Variants in PSEN1 observed in about 807,000 individuals in gnomAD.
PSEN1 encodes presenilin-1.
PSEN1 carries 15 observed loss-of-function variants against 53.5 expected under a neutral mutation model. The ratio of observed to expected loss-of-function variants is 0.28; its 90% CI spans 0.19 to 0.43. PSEN1 has a LOEUF of 0.43. PSEN1 is among the 20% of genes least tolerant of loss of function. The probability of loss-of-function intolerance (pLI) is 1.00; values close to 1 mark genes in which losing one functional copy is unlikely to be tolerated. For missense variants in PSEN1, 387 were observed against 571.2 expected, an observed-to-expected ratio of 0.68 and a Z score of 3.29; for synonymous variants, 208 against 209.8, an observed-to-expected ratio of 0.99 and a Z score of 0.08.
chr14:73,155,801 C>T (rs1418595688), intron 3 of PSEN1, among the ~76,000 whole-genome samples: 1 of 152,058 alleles, frequency 6.6e-6, no homozygotes, highest in African/African-American at 2.4e-5. Context: ...TTTTTTAGGG[C>T]AGTGAATCTA....
intron 7 of PSEN1, among the ~76,000 whole-genome samples, chr14:73,196,688 T>A (rs1431535919): frequency 2.6e-5 from 4 of 151,358 alleles, no homozygotes; most frequent in Non-Finnish European, 5.9e-5. Context: ...TTGGCCAGGC[T>A]GGTCTCAAAC....
chr14:73,169,429 CCT>C (rs1421177862), intron 3 of PSEN1: 1 of 152,220 alleles, frequency 6.6e-6, no homozygotes, highest in African/African-American at 2.4e-5. Context: ...CCAGTGACTT[CCT>C]CTGACTCTTC....
intron 5 of PSEN1, among the ~76,000 whole-genome samples, chr14:73,176,658 T>C (rs1164423621): frequency 6.6e-6 from 1 of 152,220 alleles, no homozygotes; most frequent in Non-Finnish European, 1.5e-5. Context: ...CATGTAAAGG[T>C]TTTCCCAATC....
rs187172458 is a variant in PSEN1 at position 73,162,450 on chromosome 14, C to G, written c.88-8347C>G. Among the ~76,000 whole-genome samples, 131 of 146,618 alleles carry G rather than the reference C, an allele frequency of 8.9e-4. No individual in the cohort carries two copies. In the East Asian group the frequency reaches 0.014, roughly 16 times the overall value. On this transcript the variant is annotated intron_variant, in intron 3 of 11. Coordinates refer to ENST00000324501, the MANE Select transcript of PSEN1 (RefSeq NM_000021.4). ...TCTCTCTCTCGCTCGCTCGCGCGCTCTCTCTCTCTCTCTCCATGAGAAGGA... is the reference window on the plus strand; with the variant it reads ...TCTCTCTCTCGCTCGCTCGCGCGCTGTCTCTCTCTCTCTCCATGAGAAGGA...
At position 73,222,519 on chromosome 14, in the gene PSEN1, T is replaced by C. The variant is rs1467613206; in HGVS notation, c.*3230T>C. On this transcript the variant is annotated 3_prime_UTR_variant, in exon 12 of 12. Transcript: ENST00000324501. ...GCCTTTGATCCCAACCCCCAAGGCTTTGTATATTTGATCATTTGTGATCTA... is the reference window on the plus strand; with the variant it reads ...GCCTTTGATCCCAACCCCCAAGGCTCTGTATATTTGATCATTTGTGATCTA... 6.6e-6 allele frequency: 1 copy of C among 152,194 alleles called. No individual in the cohort carries two copies. The highest frequency in any genetic ancestry group is 1.9e-4 in the East Asian group (1 of 5,196). The allele number at this position is 152,194 out of a possible 1,614,324, so 9.4% of individuals were successfully genotyped here.
rs896920783 is a variant in PSEN1 at position 73,221,838 on chromosome 14, C to G, written c.*2549C>G. 1 of 152,196 alleles carries G rather than the reference C, an allele frequency of 6.6e-6. No individual in the cohort carries two copies. The highest frequency in any genetic ancestry group is 1.5e-5 in the Non-Finnish European group (1 of 68,042). 9.4% of individuals were successfully genotyped at this position (152,196 alleles called of 1,614,324 possible). A position where few individuals can be genotyped will look rare whatever the true frequency, so the allele number is the denominator to read the frequency against. ...AGATTGTCACTGGAAAGAACAGTAG[C>G]AATTTCCATAAGGATGTGCCTTCAC... On this transcript the variant is annotated 3_prime_UTR_variant, in exon 12 of 12. Coordinates refer to ENST00000324501, the MANE Select transcript of PSEN1 (RefSeq NM_000021.4).
intron 3 of PSEN1, among the ~76,000 whole-genome samples, chr14:73,163,874 CAAG>C (rs1293723067): frequency 6.6e-6 from 1 of 151,640 alleles, no homozygotes. Flanking sequence ...ATGAGCATGA[CAAG>C]AAGCCATTGT....
intron 10 of PSEN1, 22 bp from the exon 11 acceptor site, chr14:73,217,104 A>G: frequency 1.2e-6 from 2 of 1,613,554 alleles, no homozygotes; most frequent in African/African-American, 2.7e-5. Context: ...ACTTTTTAAT[A>G]TTTGTAACCT....
At chr14:73,196,613 A>G (rs1201830107) in intron 7 of PSEN1, among the ~76,000 whole-genome samples, 1 of 150,084 alleles carries the variant, frequency 6.7e-6, no homozygotes, top group Non-Finnish European at 1.5e-5. Context: ...AGCTGGGACT[A>G]TAGGCACCTG....
At chr14:73,212,088 CTTTTTTTTTTTTTTTTTTTTTTTTTT>C (rs398043836) in intron 10 of PSEN1, 146 bp downstream of exon 10, 716 of 70,558 alleles carry the variant, frequency 0.01, 10 homozygotes, top group African/African-American at 0.049. Flanking sequence ...AGTAATAGTG[CTTTTTTTTTTTTTTTTTTTTTTTTTT>C]TTTTTTTTTT....
At chr14:73,151,206 G>A (rs1035126982) in intron 3 of PSEN1, among the ~76,000 whole-genome samples, 1 of 152,208 alleles carries the variant, frequency 6.6e-6, no homozygotes, top group Non-Finnish European at 1.5e-5. Context: ...GATGCATGTA[G>A]CTCTAGCATT....
chr14:73,201,139 A>G (rs528019788), intron 8 of PSEN1, among the ~76,000 whole-genome samples: 2 of 151,878 alleles, frequency 1.3e-5, no homozygotes, highest in African/African-American at 4.8e-5. Context: ...CCCAGGCTGG[A>G]GTTCAGTGGG....
intron 9 of PSEN1, chr14:73,208,838 C>A: frequency 2.2e-6 from 1 of 455,078 alleles, no homozygotes; most frequent in Non-Finnish European, 4.4e-6. Flanking sequence ...CTGTCTGCCT[C>A]CTGCTGCCAT....
chr14:73,154,050 G>C (rs577264909), intron 3 of PSEN1, among the ~76,000 whole-genome samples: 1 of 152,118 alleles, frequency 6.6e-6, no homozygotes, highest in African/African-American at 2.4e-5. Flanking sequence ...TTGAAAAAAT[G>C]TATTTTAAGT....
chr14:73,201,416 G>A (rs1899184970), intron 8 of PSEN1, among the ~76,000 whole-genome samples: 1 of 152,092 alleles, frequency 6.6e-6, no homozygotes, highest in African/African-American at 2.4e-5. Context: ...AGAAGTCAAA[G>A]GTAATGAGGA....
At chr14:73,170,255 C>G (rs1897846258) in intron 3 of PSEN1, among the ~76,000 whole-genome samples, 1 of 152,160 alleles carries the variant, frequency 6.6e-6, no homozygotes. Context: ...GTATCTTGTG[C>G]TGACTTCCTA....
At chr14:73,184,035 C>T (rs1158976063) in intron 5 of PSEN1, among the ~76,000 whole-genome samples, 4 of 131,520 alleles carry the variant, frequency 3.0e-5, no homozygotes, top group Admixed American at 2.1e-4. Flanking sequence ...CCGGACGGGG[C>T]GGCTGGCCAG....
chr14:73,159,587 CTA>C (rs1184451055), intron 3 of PSEN1, among the ~76,000 whole-genome samples: 1 of 152,156 alleles, frequency 6.6e-6, no homozygotes, highest in Non-Finnish European at 1.5e-5. Context: ...TTAAAAAAGA[CTA>C]TTTTCTCCAC....
Position 73,170,779 on chromosome 14 carries a change from T to C in PSEN1, c.88-18T>C. ...CTGAGAATCTGATTTACTGAAAATG[T>C]TTTTCTTGTGCTTATAGAATGACAA... On this transcript the variant is annotated intron_variant, in intron 3 of 11. Transcript: ENST00000324501. 1 of 1,613,974 alleles carries C rather than the reference T, an allele frequency of 6.2e-7. No individual in the cohort carries two copies. Among genetic ancestry groups the C allele is most frequent in the Non-Finnish European group, 8.5e-7 (1 of 1,179,928 alleles).
Sources: gnomAD v4.1 joint callset for allele counts (sites outside exome capture counted in the v4.1 genomes callset) on GRCh38, gnomAD v4.1.1 for gene constraint, MANE v1.5 for transcripts, NCBI Gene and HGNC (gene_info 2026-07-23, HGNC 2026-07-21) for gene names.